CCDC175: variants seen among roughly 807,000 people sequenced by gnomAD.
CCDC175 encodes the protein coiled-coil domain-containing protein 175.
Under a neutral mutation model 114.6 loss-of-function variants are expected in CCDC175, and 100 were observed. The ratio of observed to expected loss-of-function variants is 0.87; its 90% CI spans 0.74 to 1.03. The LOEUF is 1.03. CCDC175 is among the 50% of genes least tolerant of loss of function. The probability of loss-of-function intolerance (pLI) is 0.00; values close to 1 mark genes in which losing one functional copy is unlikely to be tolerated. For missense variants in CCDC175, 880 were observed against 917.8 expected (o/e 0.96, Z 0.53); for synonymous variants, 306 against 308.7 (o/e 0.99, Z 0.09).
At chr14:59,517,033 G>A (rs1893134996) in intron 17 of CCDC175, among the ~76,000 whole-genome samples, 1 of 152,160 alleles carries the variant, frequency 6.6e-6, no homozygotes, top group Non-Finnish European at 1.5e-5. Context: ...ATCAATAAAT[G>A]TAATCCAGCA....
chr14:59,554,663 C>A (rs902540663), intron 7 of CCDC175, among the ~76,000 whole-genome samples: 5 of 152,052 alleles, frequency 3.3e-5, no homozygotes, highest in Non-Finnish European at 5.9e-5. Flanking sequence ...TTCAAAAAAT[C>A]AATGAATCCA....
chr14:59,548,794 T>C (rs1438566910), intron 8 of CCDC175, among the ~76,000 whole-genome samples: 1 of 152,192 alleles, frequency 6.6e-6, no homozygotes, highest in Non-Finnish European at 1.5e-5. Context: ...TCTCTCATGC[T>C]GATAGCTCAC....
intron 19 of CCDC175, among the ~76,000 whole-genome samples, chr14:59,509,927 A>T (rs1892651764): frequency 2.0e-5 from 3 of 152,168 alleles, no homozygotes. Flanking sequence ...CACTTGCCAG[A>T]TGACAGTATT....
intron 7 of CCDC175, among the ~76,000 whole-genome samples, chr14:59,554,271 G>C (rs1194449562): frequency 6.6e-6 from 1 of 152,202 alleles, no homozygotes; most frequent in East Asian, 1.9e-4. Context: ...CTGTCTCTCA[G>C]AACACAGTGC....
chr14:59,505,256 T>G lies in CCDC175; in HGVS notation c.2365A>C (p.Asn789His). Reference sequence around the variant, plus strand: ...TCCTTGAGTTACTTTGTTAATGTATTTTTCTCAGTACATTTAACCACTGGG... The same window carrying G: ...TCCTTGAGTTACTTTGTTAATGTATGTTTCTCAGTACATTTAACCACTGGG... ...HFPVVKCTEK[N>H]TLTK The change falls in exon 20 of 20, where the codon AAT becomes CAT. Residue 789 changes from asparagine (N) to histidine (H), a missense_variant. Physicochemically the swap from Asn to His is moderately conservative, Grantham distance 68. Transcript: ENST00000537690. 6.7e-7 allele frequency: 1 copy of G among 1,498,834 alleles called. No homozygotes were observed. Among genetic ancestry groups the G allele is most frequent in the African/African-American group, 1.4e-5 (1 of 72,396 alleles). 92.8% of individuals were successfully genotyped at this position (1,498,834 alleles called of 1,614,324 possible). A position where few individuals can be genotyped will look rare whatever the true frequency, so the allele number is the denominator to read the frequency against.
intron 5 of CCDC175, among the ~76,000 whole-genome samples, 169 bp downstream of exon 5, chr14:59,564,878 C>T (rs927672681): frequency 1.3e-5 from 2 of 152,176 alleles, no homozygotes; most frequent in Non-Finnish European, 2.9e-5. Flanking sequence ...ATGTCTTCCC[C>T]AAGAGCAGAA....
intron 13 of CCDC175, among the ~76,000 whole-genome samples, chr14:59,536,830 G>T (rs1894429654): frequency 6.6e-6 from 1 of 152,206 alleles, no homozygotes. Flanking sequence ...CGCCCAGGCT[G>T]GAGTGCAGTG....
chr14:59,508,121 C>G (rs1294500273), intron 19 of CCDC175, among the ~76,000 whole-genome samples: 3 of 152,072 alleles, frequency 2.0e-5, no homozygotes, highest in Non-Finnish European at 2.9e-5. Flanking sequence ...CCCGACCCCC[C>G]ACACACCTCA....
At chr14:59,553,580 C>T (rs1307198540) in intron 7 of CCDC175, among the ~76,000 whole-genome samples, 3 of 152,202 alleles carry the variant, frequency 2.0e-5, no homozygotes, top group African/African-American at 7.2e-5. Flanking sequence ...AACCAGCTAA[C>T]ATCATAATGA....
chr14:59,552,913 GA>G (rs1353369852), intron 7 of CCDC175, among the ~76,000 whole-genome samples: 3 of 152,124 alleles, frequency 2.0e-5, no homozygotes, highest in South Asian at 2.1e-4. Flanking sequence ...GAAGTTTAGA[GA>G]AAAAACAGTA....
intron 9 of CCDC175, among the ~76,000 whole-genome samples, 193 bp from the exon 10 acceptor site, chr14:59,543,647 T>A (rs1329909724): frequency 6.6e-6 from 1 of 152,202 alleles, no homozygotes; most frequent in South Asian, 2.1e-4. Flanking sequence ...TTTTTTCAAA[T>A]TTTTTCCCAG....
chr14:59,574,392 T>C (rs1896994439), intron 2 of CCDC175, among the ~76,000 whole-genome samples: 1 of 152,174 alleles, frequency 6.6e-6, no homozygotes, highest in African/African-American at 2.4e-5. Context: ...AGAAGGAAAT[T>C]CTTTAAATAT....
At chr14:59,518,678 G>C in intron 17 of CCDC175, among the ~76,000 whole-genome samples, 1 of 152,192 alleles carries the variant, frequency 6.6e-6, no homozygotes, top group Non-Finnish European at 1.5e-5. Context: ...ACAGGTGCTG[G>C]AGAGGATATG....
At chr14:59,562,232 T>A (rs1255920677) in intron 6 of CCDC175, among the ~76,000 whole-genome samples, 2 of 152,302 alleles carry the variant, frequency 1.3e-5, no homozygotes, top group East Asian at 3.9e-4. Flanking sequence ...CCTGGACAGG[T>A]AGGCCGCCTT....
At chr14:59,514,282 GC>G (rs1444460058) in intron 17 of CCDC175, among the ~76,000 whole-genome samples, 2 of 152,216 alleles carry the variant, frequency 1.3e-5, no homozygotes, top group African/African-American at 4.8e-5. Flanking sequence ...AAGGAACGCA[GC>G]TCCTCACCAG....
chr14:59,572,969 T>G (rs2140134260), intron 2 of CCDC175, among the ~76,000 whole-genome samples, 156 bp from the exon 3 acceptor site: 1 of 152,280 alleles, frequency 6.6e-6, no homozygotes, highest in South Asian at 2.1e-4. Flanking sequence ...CTGGGAAAAG[T>G]ATCTACAATC....
chr14:59,534,820 A>G (rs1894299619), intron 13 of CCDC175, among the ~76,000 whole-genome samples: 1 of 152,126 alleles, frequency 6.6e-6, no homozygotes, highest in Non-Finnish European at 1.5e-5. Context: ...ACACATCCCA[A>G]CACTGGGATG....
rs754748021 is a variant in CCDC175, at chr14:59,551,341, T to A, written c.1035+14A>T. 13 of 1,190,214 alleles carry A rather than the reference T, an allele frequency of 1.1e-5. 1 individual carries two copies. The South Asian group carries it at 2.1e-4, about 19-fold the overall frequency. 73.7% of individuals were successfully genotyped at this position (1,190,214 alleles called of 1,614,324 possible). A position where few individuals can be genotyped will look rare whatever the true frequency, so the allele number is the denominator to read the frequency against. On this transcript the variant is annotated intron_variant, in intron 8 of 19. Transcript: ENST00000537690. ...GTAATTATAATGTAAAAGTCATGAC[T>A]TCTGCCTTCTTACCTGTTTTATCTT... is the stretch of plus-strand genomic sequence containing the variant.
At chr14:59,553,779 C>G (rs536491684) in intron 7 of CCDC175, among the ~76,000 whole-genome samples, 2 of 151,844 alleles carry the variant, frequency 1.3e-5, no homozygotes, top group African/African-American at 2.4e-5. Context: ...ATCTACCAAG[C>G]AAATGGAAAA....
Sources: gnomAD v4.1 joint callset for allele counts (sites outside exome capture counted in the v4.1 genomes callset) on GRCh38, gnomAD v4.1.1 for gene constraint, MANE v1.5 for transcripts, NCBI Gene and HGNC (gene_info 2026-07-23, HGNC 2026-07-21) for gene names.